The following KAT6A variants were observed in gnomAD, a reference collection of about 807,000 sequenced individuals.
The protein encoded by KAT6A is histone acetyltransferase KAT6A.
Under a neutral mutation model 198.4 loss-of-function variants are expected in KAT6A, and 9 were observed. That is an observed-to-expected ratio of 0.05 (90% confidence interval 0.03 to 0.08). The LOEUF (loss-of-function observed/expected upper bound fraction) is 0.08. Among genes scored for constraint, KAT6A ranks in the 10% least tolerant of loss-of-function variants. The probability of loss-of-function intolerance (pLI) is 1.00; values close to 1 mark genes in which losing one functional copy is unlikely to be tolerated. For synonymous variants in KAT6A, 890 were observed against 883.0 expected (o/e 1.01, Z -0.14); for missense variants, 2,077 against 2,509.9 (o/e 0.83, Z 3.69).
At chr8:42,046,164 T>C (rs1802280692) in intron 2 of KAT6A, among the ~76,000 whole-genome samples, 1 of 152,226 alleles carries the variant, frequency 6.6e-6, no homozygotes, top group African/African-American at 2.4e-5. Context: ...TTTAAAAATA[T>C]GCTCAAATGA....
chr8:41,983,186 C>A (rs1261361053), intron 3 of KAT6A, among the ~76,000 whole-genome samples: 5 of 152,120 alleles, frequency 3.3e-5, no homozygotes, highest in Non-Finnish European at 5.9e-5. Context: ...AAGAGCTGTC[C>A]CTCTCCTCTA....
chr8:41,992,092 T>C (rs1033043216), intron 2 of KAT6A, among the ~76,000 whole-genome samples: 1 of 151,966 alleles, frequency 6.6e-6, no homozygotes, highest in African/African-American at 2.4e-5. Context: ...TCCCAGCTAC[T>C]TGAGAGGGTG....
Position 42,029,682 on chromosome 8 carries a change from T to G in KAT6A, c.600+18696A>C, listed in dbSNP as rs542270721. Among the ~76,000 whole-genome samples the G allele has an allele frequency of 3.3e-5, 5 of 150,920 alleles. No homozygotes were observed. In the East Asian group the frequency reaches 1.0e-3, roughly 30 times the overall value. ...CATGTTGCCCAGGCTGATCTCAAACTCCTGGGTTCAAGCGATCCTCCCGCC... is the reference window on the plus strand; with the variant it reads ...CATGTTGCCCAGGCTGATCTCAAACGCCTGGGTTCAAGCGATCCTCCCGCC... On this transcript the variant is annotated intron_variant, in intron 2 of 16. Coordinates refer to ENST00000265713, the MANE Select transcript of KAT6A (RefSeq NM_006766.5).
At chr8:41,955,206 T>A (rs1822866375) in intron 9 of KAT6A, 90 bp downstream of exon 9, 1 of 811,394 alleles carries the variant, frequency 1.2e-6, no homozygotes, top group Non-Finnish European at 2.1e-6. Context: ...ATGTAAAGGA[T>A]AAGGTGGACT....
chr8:42,005,443 T>C (rs564508419), intron 2 of KAT6A, among the ~76,000 whole-genome samples: 2 of 152,190 alleles, frequency 1.3e-5, no homozygotes, highest in Non-Finnish European at 2.9e-5. Context: ...GAGAACATAG[T>C]GACGTAATGC....
chr8:41,960,087 T>C (rs1016709127), intron 8 of KAT6A, among the ~76,000 whole-genome samples: 1 of 145,186 alleles, frequency 6.9e-6, no homozygotes, highest in African/African-American at 2.5e-5. Context: ...CTACTTATGG[T>C]ACCTAGAGTA....
At chr8:42,021,587 C>T (rs543865734) in intron 2 of KAT6A, among the ~76,000 whole-genome samples, 39 of 152,098 alleles carry the variant, frequency 2.6e-4, no homozygotes, top group Non-Finnish European at 4.9e-4. Flanking sequence ...GCTCTTAATA[C>T]TCTTAACTCA....
At chr8:41,947,195 G>C (rs554437342) in intron 11 of KAT6A, among the ~76,000 whole-genome samples, 4 of 152,200 alleles carry the variant, frequency 2.6e-5, no homozygotes, top group African/African-American at 9.6e-5. Context: ...TAATGAAGTA[G>C]CCTAAAGAAT....
chr8:42,008,051 T>C (rs1349615244), intron 2 of KAT6A, among the ~76,000 whole-genome samples: 2 of 151,870 alleles, frequency 1.3e-5, no homozygotes, highest in East Asian at 3.9e-4. Flanking sequence ...AGTATCTCAT[T>C]ACTTCATTTT....
chr8:41,958,939 C>CA (rs1023605398), intron 8 of KAT6A, among the ~76,000 whole-genome samples: 1 of 152,080 alleles, frequency 6.6e-6, no homozygotes, highest in African/African-American at 2.4e-5. Flanking sequence ...GTGGGCGGAT[C>CA]ACGAGGTCAG....
intron 6 of KAT6A, 150 bp downstream of exon 6, chr8:41,978,492 T>A: frequency 1.3e-6 from 1 of 763,894 alleles, no homozygotes. Context: ...CTGGCACTTA[T>A]TAAGGGCTGA....
intron 8 of KAT6A, among the ~76,000 whole-genome samples, chr8:41,973,351 G>T (rs546592049): frequency 6.6e-6 from 1 of 151,736 alleles, no homozygotes; most frequent in African/African-American, 2.4e-5. Flanking sequence ...TCAGCCTCCC[G>T]AGTAGCTGGG....
At chr8:42,020,876 C>A (rs1464709932) in intron 2 of KAT6A, among the ~76,000 whole-genome samples, 1 of 152,080 alleles carries the variant, frequency 6.6e-6, no homozygotes, top group Non-Finnish European at 1.5e-5. Flanking sequence ...ATGAACCAGG[C>A]CACTTTGCAT....
At chr8:42,049,554 T>C (rs1484771099) in intron 1 of KAT6A, 1 of 155,322 alleles carries the variant, frequency 6.4e-6, no homozygotes, top group African/African-American at 2.4e-5. Context: ...GTTCTAAGAA[T>C]GACCTTTAAG....
chr8:42,040,735 C>CAAAAAAAAAAAAAAAAAAAAAAA (rs59959496), intron 2 of KAT6A, among the ~76,000 whole-genome samples: 2 of 54,668 alleles, frequency 3.7e-5, no homozygotes, highest in South Asian at 6.3e-4. Flanking sequence ...GACTCTGTCT[C>CAAAAAAAAAAAAAAAAAAAAAAA]AAAAAAAAAA....
At chr8:41,959,758 AC>A (rs1320942594) in intron 8 of KAT6A, among the ~76,000 whole-genome samples, 1 of 152,156 alleles carries the variant, frequency 6.6e-6, no homozygotes, top group Non-Finnish European at 1.5e-5. Context: ...AGAGATTGAG[AC>A]CATCCTGGCC....
chr8:42,011,178 A>T (rs1826002568), intron 2 of KAT6A, among the ~76,000 whole-genome samples: 1 of 152,160 alleles, frequency 6.6e-6, no homozygotes, highest in Non-Finnish European at 1.5e-5. Context: ...TTTAGATTAT[A>T]TTTTATTTTC....
chr8:41,974,491 T>C, intron 8 of KAT6A: 1 of 380,742 alleles, frequency 2.6e-6, no homozygotes, highest in Non-Finnish European at 4.7e-6. Context: ...TTAATATTGA[T>C]AGTCAAAGCC....
chr8:41,999,785 T>A (rs566332600), intron 2 of KAT6A, among the ~76,000 whole-genome samples: 3 of 152,352 alleles, frequency 2.0e-5, no homozygotes, highest in African/African-American at 7.2e-5. Context: ...CAGCAGCACT[T>A]AGAAACAAAC....
Sources: gnomAD v4.1 joint callset for allele counts (sites outside exome capture counted in the v4.1 genomes callset) on GRCh38, gnomAD v4.1.1 for gene constraint, MANE v1.5 for transcripts, NCBI Gene and HGNC (gene_info 2026-07-23, HGNC 2026-07-21) for gene names.